HECW2: variants seen among roughly 807,000 people sequenced by gnomAD.
HECW2 encodes HECT, C2 and WW domain containing E3 ubiquitin protein ligase 2, also known as E3 ubiquitin-protein ligase HECW2.
A neutral mutation model predicts 175.2 loss-of-function variants in HECW2; 61 were observed. The observed-to-expected ratio is 0.35, with a 90% CI of 0.28 to 0.43. HECW2 has a LOEUF of 0.43. Among genes scored for constraint, HECW2 ranks in the 20% least tolerant of loss-of-function variants. The pLI is 1.00. For missense variants in HECW2, 1,524 were observed against 2,000.5 expected (o/e 0.76, Z 4.54); for synonymous variants, 671 against 731.0 (o/e 0.92, Z 1.32).
chr2:196,221,808 C>T (rs1687680227), intron 24 of HECW2, among the ~76,000 whole-genome samples: 1 of 152,190 alleles, frequency 6.6e-6, no homozygotes, highest in Admixed American at 6.5e-5. Context: ...GATCCTCCTG[C>T]CTTGGCCTCC....
At chr2:196,273,312 C>T (rs1479349576) in intron 16 of HECW2, among the ~76,000 whole-genome samples, 1 of 152,064 alleles carries the variant, frequency 6.6e-6, no homozygotes, top group South Asian at 2.1e-4. Context: ...TGTGATCTGC[C>T]CATCTCGGCC....
chr2:196,201,053 G>A lies in HECW2; in HGVS notation c.*224C>T. ...GTTTGGCAGTCAAGAACTGTTGATT[G>A]AAAGACGGTTGGGTTGTTCCCTGGG... On this transcript the variant is annotated 3_prime_UTR_variant, in exon 29 of 29. Coordinates refer to ENST00000644978, the MANE Select transcript of HECW2 (RefSeq NM_001348768.2). 4.3e-6 allele frequency: 2 copies of A among 469,286 alleles called. No individual in the cohort carries two copies. Among genetic ancestry groups the A allele is most frequent in the Non-Finnish European group, 7.9e-6 (2 of 254,392 alleles). The allele number at this position is 469,286 out of a possible 1,614,324, so 29.1% of individuals were successfully genotyped here. A position where few individuals can be genotyped will look rare whatever the true frequency, so the allele number is the denominator to read the frequency against.
At chr2:196,372,024 T>G (rs1693922616) in intron 2 of HECW2, among the ~76,000 whole-genome samples, 1 of 152,208 alleles carries the variant, frequency 6.6e-6, no homozygotes, top group Admixed American at 6.5e-5. Flanking sequence ...AAGAGACCCT[T>G]GAGTCTTAAC....
At chr2:196,362,888 C>T (rs1393600355) in intron 2 of HECW2, among the ~76,000 whole-genome samples, 3 of 152,162 alleles carry the variant, frequency 2.0e-5, no homozygotes, top group Non-Finnish European at 2.9e-5. Flanking sequence ...CCATCTCTCT[C>T]CAGCAACCTC....
At position 196,519,497 on chromosome 2, in the gene HECW2, T is replaced by C. The variant is rs549154901; in HGVS notation, c.-36+74011A>G. 5.3e-5 allele frequency among the ~76,000 whole-genome samples: 8 copies of C among 152,326 alleles called. No homozygotes were observed. In the South Asian group the frequency reaches 1.7e-3, roughly 32 times the overall value. On this transcript the variant is annotated intron_variant, in intron 1 of 28. Transcript: ENST00000644978. The stretch of plus-strand genomic sequence containing the variant: ...TTCTTATTTCTTAAAATATGTAATA[T>C]GAAATTCTGTAAGAAACTGCTTAAA...
intron 21 of HECW2, among the ~76,000 whole-genome samples, chr2:196,233,344 T>C (rs561161781): frequency 6.6e-6 from 1 of 152,196 alleles, no homozygotes; most frequent in African/African-American, 2.4e-5. Flanking sequence ...TATCATCACA[T>C]GGCTGGGTTG....
intron 1 of HECW2, among the ~76,000 whole-genome samples, chr2:196,575,158 G>A (rs1218839799): frequency 1.4e-5 from 2 of 145,504 alleles, no homozygotes; most frequent in East Asian, 2.0e-4. Context: ...ATTGGCCAAC[G>A]TATGTATGAA....
chr2:196,509,518 C>T (rs1018895812), intron 1 of HECW2, among the ~76,000 whole-genome samples: 1 of 152,194 alleles, frequency 6.6e-6, no homozygotes, highest in Non-Finnish European at 1.5e-5. Flanking sequence ...CAGTGGCTAT[C>T]CTGAAGCTAC....
At chr2:196,243,311 G>A (rs973251988) in intron 19 of HECW2, among the ~76,000 whole-genome samples, 2 of 151,706 alleles carry the variant, frequency 1.3e-5, no homozygotes, top group Non-Finnish European at 2.9e-5. Context: ...GGGATTGCAG[G>A]CATGTGCCAC....
At chr2:196,287,108 A>G (rs545571480) in intron 14 of HECW2, among the ~76,000 whole-genome samples, 20 of 152,288 alleles carry the variant, frequency 1.3e-4, no homozygotes, top group Non-Finnish European at 2.5e-4. Context: ...TTCTGTTCTA[A>G]AATCTGTCCT....
chr2:196,590,151 A>G (rs539491760), intron 1 of HECW2, among the ~76,000 whole-genome samples: 77 of 152,180 alleles, frequency 5.1e-4, no homozygotes, highest in Non-Finnish European at 9.1e-4. Flanking sequence ...GGGTGACCAG[A>G]TAATTATCAC....
At chr2:196,260,485 A>G (rs1465875991) in intron 17 of HECW2, 1 of 152,250 alleles carries the variant, frequency 6.6e-6, no homozygotes, top group African/African-American at 2.4e-5. Flanking sequence ...GGAGTAAGAG[A>G]AAGTCCCTTT....
At chr2:196,206,978 G>A (rs1346531132) in intron 28 of HECW2, among the ~76,000 whole-genome samples, 4 of 152,212 alleles carry the variant, frequency 2.6e-5, no homozygotes. Context: ...ATTTGTAGGT[G>A]TGCAGGTTTT....
chr2:196,211,365 T>C (rs1360229161), intron 28 of HECW2, among the ~76,000 whole-genome samples: 1 of 152,156 alleles, frequency 6.6e-6, no homozygotes, highest in Admixed American at 6.5e-5. Context: ...ACCAGGGGTA[T>C]GAAGTCTTCC....
chr2:196,430,167 G>C (rs1695666907), intron 2 of HECW2, among the ~76,000 whole-genome samples: 1 of 152,116 alleles, frequency 6.6e-6, no homozygotes, highest in South Asian at 2.1e-4. Flanking sequence ...ATTCACAGGG[G>C]AGACCAAATT....
rs1686778028 is a variant in HECW2, at chr2:196,199,160, A to T, written c.*2117T>A. ...CTGCTTGGAGAATGCCAGCCCTGAAACATCTTGTATACCATCAAATATGTG... is the reference window on the plus strand; with the variant it reads ...CTGCTTGGAGAATGCCAGCCCTGAATCATCTTGTATACCATCAAATATGTG... On this transcript the variant is annotated 3_prime_UTR_variant, in exon 29 of 29. Coordinates refer to ENST00000644978, the MANE Select transcript of HECW2 (RefSeq NM_001348768.2). The T allele has an allele frequency of 6.6e-6, 1 of 152,562 alleles. No individual in the cohort carries two copies. The highest frequency in any genetic ancestry group is 1.5e-5 in the Non-Finnish European group (1 of 68,004). The allele number at this position is 152,562 out of a possible 1,614,324, so 9.5% of individuals were successfully genotyped here.
intron 2 of HECW2, among the ~76,000 whole-genome samples, chr2:196,390,538 T>TCTGTGC (rs941527288): frequency 2.6e-5 from 4 of 152,208 alleles, no homozygotes; most frequent in African/African-American, 9.7e-5. Flanking sequence ...ACTAGCCTTT[T>TCTGTGC]CTGTGCCTGT....
At chr2:196,221,081 C>A in intron 24 of HECW2, 140 bp from the exon 25 acceptor site, 1 of 809,198 alleles carries the variant, frequency 1.2e-6, no homozygotes, top group Non-Finnish European at 2.0e-6. Context: ...CAGTGAGGCC[C>A]CAGGCACTCA....
At chr2:196,392,505 ATTTG>A (rs1325778531) in intron 2 of HECW2, among the ~76,000 whole-genome samples, 1 of 152,180 alleles carries the variant, frequency 6.6e-6, no homozygotes, top group African/African-American at 2.4e-5. Flanking sequence ...TAATTTAAAG[ATTTG>A]TTTGTGTTTT....
Sources: gnomAD v4.1 joint callset for allele counts (sites outside exome capture counted in the v4.1 genomes callset) on GRCh38, gnomAD v4.1.1 for gene constraint, MANE v1.5 for transcripts, NCBI Gene and HGNC (gene_info 2026-07-23, HGNC 2026-07-21) for gene names.